Variants in DLG2 observed in about 807,000 individuals in gnomAD.
DLG2 encodes the protein disks large homolog 2.
In DLG2, 45 loss-of-function variants were observed where a neutral mutation model predicts 132.5. The ratio of observed to expected loss-of-function variants is 0.34; its 90% CI spans 0.27 to 0.44. The LOEUF (loss-of-function observed/expected upper bound fraction) is 0.44, where lower values mean the gene tolerates loss of function less well. DLG2 is among the 20% of genes least tolerant of loss of function. The pLI, the probability that DLG2 is intolerant of heterozygous loss-of-function variation, is 1.00. For synonymous variants in DLG2, 424 were observed against 419.6 expected, an observed-to-expected ratio of 1.01 and a Z score of -0.13; for missense variants, 1,045 against 1,196.9, an observed-to-expected ratio of 0.87 and a Z score of 1.87.
At chr11:84,820,692 C>A (rs773862572) in intron 6 of DLG2, among the ~76,000 whole-genome samples, 1 of 151,624 alleles carries the variant, frequency 6.6e-6, no homozygotes, top group Non-Finnish European at 1.5e-5. Flanking sequence ...TTCAAGCATG[C>A]AGAATCAGTA....
At chr11:84,999,263 T>A (rs543295520) in intron 6 of DLG2, among the ~76,000 whole-genome samples, 30 of 152,250 alleles carry the variant, frequency 2.0e-4, no homozygotes, top group Non-Finnish European at 4.3e-4. Flanking sequence ...CCTATAAATA[T>A]TTACCATAGA....
At chr11:85,391,581 C>T (rs1273626796) in intron 3 of DLG2, among the ~76,000 whole-genome samples, 1 of 151,938 alleles carries the variant, frequency 6.6e-6, no homozygotes, top group Admixed American at 6.6e-5. Flanking sequence ...TGAAAAAGAT[C>T]ATCCACCATG....
intron 3 of DLG2, among the ~76,000 whole-genome samples, chr11:85,382,215 C>T (rs1237048375): frequency 1.3e-5 from 2 of 152,064 alleles, no homozygotes; most frequent in African/African-American, 4.8e-5. Flanking sequence ...GAAGTAAACT[C>T]ACATTTATGG....
At position 84,314,848 on chromosome 11, in the gene DLG2, T is replaced by A. The variant is rs186107266; in HGVS notation, c.520-63557A>T. ...ACAATTGAAATTATTTAACATAATG[T>A]ATTTGAAAGTTTTCAAGCATTGGTG... On this transcript the variant is annotated intron_variant, in intron 7 of 27. Transcript: ENST00000376104. Among the ~76,000 whole-genome samples the A allele has an allele frequency of 2.4e-3, 365 of 152,152 alleles. 1 individual carries two copies. Among genetic ancestry groups the A allele is most frequent in the African/African-American group, 8.5e-3 (354 of 41,522 alleles).
At chr11:84,376,623 CTTGA>C (rs1453166270) in intron 7 of DLG2, among the ~76,000 whole-genome samples, 1 of 151,668 alleles carries the variant, frequency 6.6e-6, no homozygotes, top group Non-Finnish European at 1.5e-5. Flanking sequence ...GGTTAGTATT[CTTGA>C]TTTTTATTTT....
intron 14 of DLG2, among the ~76,000 whole-genome samples, chr11:83,950,119 A>C (rs940942617): frequency 6.6e-6 from 1 of 152,236 alleles, no homozygotes; most frequent in Admixed American, 6.5e-5. Flanking sequence ...GGGTAATTAT[A>C]GCTGCCTCCT....
At chr11:84,448,638 A>G (rs1172920493) in intron 7 of DLG2, among the ~76,000 whole-genome samples, 2 of 152,018 alleles carry the variant, frequency 1.3e-5, no homozygotes, top group Non-Finnish European at 2.9e-5. Context: ...ATAAATGTCT[A>G]TGAAAATTTT....
At chr11:85,330,863 C>G (rs1489967909) in intron 3 of DLG2, among the ~76,000 whole-genome samples, 1 of 148,784 alleles carries the variant, frequency 6.7e-6, no homozygotes, top group Admixed American at 6.7e-5. Context: ...AGAGTCTGCT[C>G]AAATTCTCAT....
At chr11:83,856,176 T>TA (rs1460957337) in intron 16 of DLG2, among the ~76,000 whole-genome samples, 1 of 152,204 alleles carries the variant, frequency 6.6e-6, no homozygotes, top group Non-Finnish European at 1.5e-5. Context: ...TCCTTTTTTT[T>TA]ATGTCTGCAT....
At chr11:85,094,308 C>T (rs76797124) in intron 6 of DLG2, among the ~76,000 whole-genome samples, 2,973 of 152,304 alleles carry the variant, frequency 0.02, 52 homozygotes, top group Admixed American at 0.041. Flanking sequence ...TAGGCAGTGG[C>T]TTCCACTTAA....
intron 3 of DLG2, among the ~76,000 whole-genome samples, chr11:85,441,590 C>A (rs1336483597): frequency 6.6e-6 from 1 of 152,130 alleles, no homozygotes; most frequent in South Asian, 2.1e-4. Flanking sequence ...ATGTTAAGCT[C>A]TGAATATACA....
intron 17 of DLG2, among the ~76,000 whole-genome samples, chr11:83,802,664 A>T (rs1465732884): frequency 6.6e-6 from 1 of 152,200 alleles, no homozygotes; most frequent in East Asian, 1.9e-4. Flanking sequence ...ATATAATGGA[A>T]TACTATGCAG....
At chr11:83,802,978 T>C (rs1294374762) in intron 17 of DLG2, among the ~76,000 whole-genome samples, 3 of 152,158 alleles carry the variant, frequency 2.0e-5, no homozygotes, top group African/African-American at 7.2e-5. Flanking sequence ...AGTAAATATG[T>C]TGTATCATAA....
At chr11:85,003,215 T>G (rs2058362792) in intron 6 of DLG2, among the ~76,000 whole-genome samples, 2 of 152,092 alleles carry the variant, frequency 1.3e-5, no homozygotes, top group Non-Finnish European at 2.9e-5. Flanking sequence ...TCAAGCCAAG[T>G]GTATGAAAGT....
chr11:85,150,533 C>T (rs945665332), intron 5 of DLG2, among the ~76,000 whole-genome samples: 1 of 152,044 alleles, frequency 6.6e-6, no homozygotes, highest in East Asian at 1.9e-4. Context: ...TAGGCAACTA[C>T]CTCTCTACTT....
intron 6 of DLG2, among the ~76,000 whole-genome samples, chr11:84,766,931 T>G (rs921399742): frequency 1.3e-5 from 2 of 152,088 alleles, no homozygotes; most frequent in African/African-American, 2.4e-5. Flanking sequence ...AATAGATCTG[T>G]TGGATTCCAA....
chr11:85,464,377 G>A (rs1198467583), intron 3 of DLG2, among the ~76,000 whole-genome samples: 1 of 152,034 alleles, frequency 6.6e-6, no homozygotes, highest in South Asian at 2.1e-4. Flanking sequence ...GGAGGTTATG[G>A]TTTTTACGGA....
At chr11:84,451,869 G>A (rs1602372899) in intron 7 of DLG2, among the ~76,000 whole-genome samples, 1 of 151,776 alleles carries the variant, frequency 6.6e-6, no homozygotes, top group Admixed American at 6.6e-5. Flanking sequence ...TTAAGGTAAA[G>A]CTCAGTAAGA....
At chr11:84,973,415 C>T (rs986712997) in intron 6 of DLG2, among the ~76,000 whole-genome samples, 1 of 152,088 alleles carries the variant, frequency 6.6e-6, no homozygotes, top group African/African-American at 2.4e-5. Context: ...TGAAATGTAC[C>T]TTCTGGAGCC....
Sources: allele counts gnomAD v4.1 joint callset (sites outside exome capture counted in the v4.1 genomes callset), GRCh38; gene constraint gnomAD v4.1.1; transcripts MANE v1.5; gene names NCBI Gene and HGNC (gene_info 2026-07-23, HGNC 2026-07-21).